SULT2B1: variants seen among roughly 807,000 people sequenced by gnomAD.
SULT2B1 encodes sulfotransferase 2B1.
In SULT2B1, 16 loss-of-function variants were observed where a neutral mutation model predicts 33.2. The ratio of observed to expected loss-of-function variants is 0.48; its 90% CI spans 0.33 to 0.73. The LOEUF is 0.73. SULT2B1 is among the 30% of genes least tolerant of loss of function. SULT2B1 has a pLI of 0.02. For missense variants in SULT2B1, 500 were observed against 506.0 expected, an observed-to-expected ratio of 0.99 and a Z score of 0.11; for synonymous variants, 186 against 200.5, an observed-to-expected ratio of 0.93 and a Z score of 0.61.
chr19:48,573,268 C>A (rs909873775), intron 1 of SULT2B1, among the ~76,000 whole-genome samples: 3 of 152,042 alleles, frequency 2.0e-5, no homozygotes, highest in African/African-American at 7.2e-5. Flanking sequence ...GCCACCCACC[C>A]GGAGGAGCTC....
intron 2 of SULT2B1, among the ~76,000 whole-genome samples, chr19:48,576,357 C>CTTT (rs59055065): frequency 0.015 from 1,725 of 114,822 alleles, 146 homozygotes; most frequent in Middle Eastern, 0.021. Flanking sequence ...CCCTCTACTT[C>CTTT]TCTTTTTTTT....
rs2099903040 is a variant in SULT2B1 at position 48,599,296 on chromosome 19, A to G, written c.988A>G (p.Lys330Glu). Reference sequence around the variant, plus strand: ...TGAGCCCAGCCCTGAGCCTGAGCCCAAGCCCAGCCTTGAGCCCAACACCAG... The same window carrying G: ...TGAGCCCAGCCCTGAGCCTGAGCCCGAGCCCAGCCTTGAGCCCAACACCAG... Reference protein sequence around the residue: ...DPEPSPEPEPKPSLEPNTSLE... With the variant: ...DPEPSPEPEPEPSLEPNTSLE... Residue 330 changes from lysine (K) to glutamate (E), a missense_variant, in exon 7 of 7, where the codon AAG becomes GAG. By Grantham distance (56) the Lys-to-Glu change is moderately conservative. Transcript: ENST00000201586. This position sits in a 1 kb window ranked among gnomAD's most constrained non-coding sequence, Gnocchi z 4.1. The G allele has an allele frequency of 1.2e-6, 2 of 1,610,434 alleles. No homozygotes were observed. The highest frequency in any genetic ancestry group is 8.5e-7 in the Non-Finnish European group (1 of 1,178,536).
At chr19:48,570,802 G>A (rs1423967777) in intron 1 of SULT2B1, among the ~76,000 whole-genome samples, 3 of 151,608 alleles carry the variant, frequency 2.0e-5, no homozygotes, top group Admixed American at 1.3e-4. Context: ...TCGGCTCACT[G>A]CAACCTCTGC....
At chr19:48,557,432 G>A (rs985378859) in intron 1 of SULT2B1, among the ~76,000 whole-genome samples, 1 of 151,490 alleles carries the variant, frequency 6.6e-6, no homozygotes, top group African/African-American at 2.4e-5. Context: ...CCCAGCTACT[G>A]GAGAGGCTGA....
At chr19:48,597,033 A>T (rs1973726931) in intron 6 of SULT2B1, 114 bp downstream of exon 6, 3 of 1,197,114 alleles carry the variant, frequency 2.5e-6, no homozygotes, top group Non-Finnish European at 3.4e-6. Flanking sequence ...ACATTGGGTG[A>T]ACAGGGTCAC....
chr19:48,576,551 G>A (rs981937047), intron 2 of SULT2B1, among the ~76,000 whole-genome samples: 3 of 150,232 alleles, frequency 2.0e-5, no homozygotes, highest in Non-Finnish European at 3.0e-5. Context: ...AGGCTGGGGT[G>A]CAGTGGTGCA....
intron 3 of SULT2B1, chr19:48,590,980 C>G (rs777269592): frequency 6.6e-6 from 1 of 152,112 alleles, no homozygotes; most frequent in Non-Finnish European, 1.5e-5. Flanking sequence ...ACCACGGGCA[C>G]GCACCACCAC....
intron 2 of SULT2B1, among the ~76,000 whole-genome samples, chr19:48,584,454 A>G (rs1452480424): frequency 1.3e-5 from 2 of 152,236 alleles, no homozygotes; most frequent in South Asian, 2.1e-4. Flanking sequence ...GTGTTCCTCC[A>G]GCGCCCTCTG....
In SULT2B1 at chr19:48,599,321, G is replaced by A; in HGVS notation, c.1013G>A (p.Ser338Asn). 1.2e-6 allele frequency: 2 copies of A among 1,605,442 alleles called. No individual in the cohort carries two copies. The highest frequency in any genetic ancestry group is 1.7e-6 in the Non-Finnish European group (2 of 1,176,112). Residue 338 changes from serine (S) to asparagine (N), a missense_variant, in exon 7 of 7, where the codon AGC (serine) becomes AAC (asparagine). By Grantham distance (46) the Ser-to-Asn change is conservative. Transcript: ENST00000201586. The surrounding 1 kb of genome is among the most constrained non-coding windows in gnomAD (Gnocchi z 4.1). ...AAGCCCAGCCTTGAGCCCAACACCA[G>A]CCTGGAGCGTGAGCCCAGACCCAAC... ...EPKPSLEPNT[S>N]LEREPRPNSS... is the part of the protein sequence containing the mutation.
intron 1 of SULT2B1, among the ~76,000 whole-genome samples, chr19:48,562,679 A>G (rs939433738): frequency 3.9e-5 from 6 of 151,906 alleles, no homozygotes; most frequent in Admixed American, 1.3e-4. Flanking sequence ...TATAGACTTT[A>G]TTTATTTATT....
chr19:48,597,382 G>T (rs1224094648), intron 6 of SULT2B1, among the ~76,000 whole-genome samples: 1 of 146,640 alleles, frequency 6.8e-6, no homozygotes, highest in Non-Finnish European at 1.5e-5. Context: ...CTGTCGCCCA[G>T]GCTGGCTGGA....
chr19:48,597,308 C>T (rs1184250340), intron 6 of SULT2B1, among the ~76,000 whole-genome samples: 1 of 151,552 alleles, frequency 6.6e-6, no homozygotes, highest in Non-Finnish European at 1.5e-5. Flanking sequence ...AAAAACACCG[C>T]AAACTCCATG....
At chr19:48,583,851 C>G (rs897822386) in intron 2 of SULT2B1, among the ~76,000 whole-genome samples, 5 of 149,260 alleles carry the variant, frequency 3.3e-5, no homozygotes, top group South Asian at 2.1e-4. Flanking sequence ...CAGTGGCTTA[C>G]GCCTGTAATC....
At chr19:48,581,890 A>ATATTATTAT (rs71335807) in intron 2 of SULT2B1, among the ~76,000 whole-genome samples, 5 of 137,734 alleles carry the variant, frequency 3.6e-5, no homozygotes, top group African/African-American at 8.2e-5. Context: ...TATTATTATT[A>ATATTATTAT]TATTATTATT....
intron 1 of SULT2B1, among the ~76,000 whole-genome samples, chr19:48,559,078 A>G (rs1279006455): frequency 6.6e-6 from 1 of 152,096 alleles, no homozygotes; most frequent in Non-Finnish European, 1.5e-5. Context: ...AGATTTGGGC[A>G]GGCAGACTAG....
intron 1 of SULT2B1, among the ~76,000 whole-genome samples, chr19:48,554,306 C>G (rs1973066324): frequency 6.6e-6 from 1 of 151,012 alleles, no homozygotes; most frequent in Non-Finnish European, 1.5e-5. Context: ...CACGTACCCC[C>G]CCAGATTCGC....
At chr19:48,585,701 G>A (rs923201678) in intron 2 of SULT2B1, among the ~76,000 whole-genome samples, 8 of 151,784 alleles carry the variant, frequency 5.3e-5, no homozygotes, top group Non-Finnish European at 7.4e-5. Flanking sequence ...AGGGGGGAGG[G>A]ATAGCATTAG....
chr19:48,583,602 G>C (rs1381276318), intron 2 of SULT2B1, among the ~76,000 whole-genome samples: 1 of 152,190 alleles, frequency 6.6e-6, no homozygotes, highest in Non-Finnish European at 1.5e-5. Context: ...CGGATCACCT[G>C]AGGTCAGGAG....
intron 1 of SULT2B1, among the ~76,000 whole-genome samples, chr19:48,566,618 G>C (rs977487287): frequency 3.3e-5 from 5 of 151,918 alleles, no homozygotes; most frequent in African/African-American, 1.2e-4. Flanking sequence ...GAGGCGGGTG[G>C]ATTGCTTGAG....
Sources: allele counts gnomAD v4.1 joint callset (sites outside exome capture counted in the v4.1 genomes callset), GRCh38; gene constraint gnomAD v4.1.1; non-coding constraint Gnocchi (gnomAD v3.1); transcripts MANE v1.5; gene names NCBI Gene and HGNC (gene_info 2026-07-23, HGNC 2026-07-21).